ATP6V1H: variants seen among roughly 807,000 people sequenced by gnomAD.
The protein encoded by ATP6V1H is V-type proton ATPase subunit H.
Under a neutral mutation model 71.7 loss-of-function variants are expected in ATP6V1H, and 39 were observed. The observed-to-expected ratio is 0.54, with a 90% CI of 0.42 to 0.71. The LOEUF (loss-of-function observed/expected upper bound fraction) is 0.71, where lower values mean the gene tolerates loss of function less well. Among genes scored for constraint, ATP6V1H ranks in the 30% least tolerant of loss-of-function variants. The pLI is 0.00. For missense variants in ATP6V1H, 509 were observed against 594.9 expected, an observed-to-expected ratio of 0.86 and a Z score of 1.50; for synonymous variants, 192 against 199.3, an observed-to-expected ratio of 0.96 and a Z score of 0.31.
At chr8:53,832,854 G>T in intron 3 of ATP6V1H, 130 bp downstream of exon 3, 1 of 516,838 alleles carries the variant, frequency 1.9e-6, no homozygotes, top group East Asian at 3.2e-5. Flanking sequence ...AAAGGATGAA[G>T]GTAAACATGC....
In ATP6V1H at chr8:53,754,652, T is replaced by C. The variant is rs115082423; in HGVS notation, c.1277+1903A>G. Among the ~76,000 whole-genome samples, 459 of 152,264 alleles carry C rather than the reference T, an allele frequency of 3.0e-3. 3 individuals carry two copies. Among genetic ancestry groups the C allele is most frequent in the African/African-American group, 0.01 (436 of 41,554 alleles). ...ATGACCACACCCCTAAAGCGCAACT[T>C]ATTGTCTCTTTGAGAAGAAGATGAG... On this transcript the variant is annotated intron_variant, in intron 12 of 13. Coordinates refer to ENST00000359530, the MANE Select transcript of ATP6V1H (RefSeq NM_015941.4).
chr8:53,733,729 T>C lies in ATP6V1H; in HGVS notation c.1391+9848A>G, dbSNP rs370580331. ...TTATGGATCCCAAACTTGGCAGTAC[T>C]GGCCAAACCTCTGTACCAAGTCACA... is the stretch of plus-strand genomic sequence containing the variant. On this transcript the variant is annotated intron_variant, in intron 13 of 13. Coordinates refer to ENST00000359530, the MANE Select transcript of ATP6V1H (RefSeq NM_015941.4). 3.8e-4 allele frequency among the ~76,000 whole-genome samples: 58 copies of C among 152,266 alleles called. No homozygotes were observed. The South Asian group carries it at 8.7e-3, about 23-fold the overall frequency.
intron 8 of ATP6V1H, among the ~76,000 whole-genome samples, chr8:53,797,760 G>A (rs1809788278): frequency 6.6e-6 from 1 of 151,850 alleles, no homozygotes; most frequent in South Asian, 2.1e-4. Flanking sequence ...AGCATTTTGG[G>A]AGGCCAGGGT....
At chr8:53,766,743 G>A (rs147719942) in intron 11 of ATP6V1H, among the ~76,000 whole-genome samples, 1,688 of 152,248 alleles carry the variant, frequency 0.011, 51 homozygotes, top group East Asian at 0.1. Context: ...CTCCCATAGC[G>A]TTCCCAGGCT....
At chr8:53,828,845 A>G (rs1810905102) in intron 4 of ATP6V1H, among the ~76,000 whole-genome samples, 1 of 152,132 alleles carries the variant, frequency 6.6e-6, no homozygotes, top group African/African-American at 2.4e-5. Flanking sequence ...TGGAAGGCCG[A>G]TCTCATAAGA....
intron 11 of ATP6V1H, among the ~76,000 whole-genome samples, chr8:53,769,194 T>G (rs1299135706): frequency 6.6e-6 from 1 of 152,026 alleles, no homozygotes; most frequent in African/African-American, 2.4e-5. Context: ...TGACCTTGAG[T>G]AGGCAAAAAC....
intron 9 of ATP6V1H, among the ~76,000 whole-genome samples, chr8:53,793,403 C>T (rs979221145): frequency 2.6e-5 from 4 of 152,128 alleles, no homozygotes; most frequent in Admixed American, 6.5e-5. Flanking sequence ...TTTTGGGAGG[C>T]TGAGGGAGGA....
At chr8:53,830,857 T>A (rs1810982722) in intron 3 of ATP6V1H, among the ~76,000 whole-genome samples, 1 of 152,212 alleles carries the variant, frequency 6.6e-6, no homozygotes, top group Non-Finnish European at 1.5e-5. Context: ...AGTGTGTATG[T>A]GCTGAAAAAA....
chr8:53,818,664 C>T (rs1810533456), intron 4 of ATP6V1H, among the ~76,000 whole-genome samples: 1 of 152,180 alleles, frequency 6.6e-6, no homozygotes, highest in Non-Finnish European at 1.5e-5. Flanking sequence ...CGGTCAGGTA[C>T]ACTTAGCAAC....
chr8:53,728,705 C>A (rs1454336910), intron 13 of ATP6V1H, among the ~76,000 whole-genome samples: 1 of 152,226 alleles, frequency 6.6e-6, no homozygotes, highest in African/African-American at 2.4e-5. Flanking sequence ...CAGCAAAGCA[C>A]AAAGCCCTGC....
At chr8:53,814,819 T>C in intron 5 of ATP6V1H, 53 bp from the exon 6 acceptor site, 6 of 1,214,014 alleles carry the variant, frequency 4.9e-6, no homozygotes, top group Non-Finnish European at 7.1e-6. Context: ...AAAAATCACA[T>C]CATATACCTT....
At chr8:53,743,488 C>A in intron 13 of ATP6V1H, 89 bp downstream of exon 13, 2 of 867,990 alleles carry the variant, frequency 2.3e-6, no homozygotes, top group Non-Finnish European at 3.7e-6. Context: ...TAAAAATGAT[C>A]ATTCAAAGCA....
At chr8:53,811,243 T>A in intron 6 of ATP6V1H, 26 bp from the exon 7 acceptor site, 1 of 1,604,782 alleles carries the variant, frequency 6.2e-7, no homozygotes, top group Non-Finnish European at 8.5e-7. Context: ...TAACTCATTA[T>A]TTAGTTTTGT....
At position 53,743,742 on chromosome 8, in the gene ATP6V1H, A is replaced by G. The variant is rs538886210; in HGVS notation, c.1278-52T>C. Reference sequence around the variant, plus strand: ...AAGATGCAATTACTCTCAAATTCACAGTTTGTAAGCAGGCAGCTCAAATAC... The same window carrying G: ...AAGATGCAATTACTCTCAAATTCACGGTTTGTAAGCAGGCAGCTCAAATAC... On this transcript the variant is annotated intron_variant, in intron 12 of 13. Coordinates refer to ENST00000359530, the MANE Select transcript of ATP6V1H (RefSeq NM_015941.4). 11 of 1,339,976 alleles carry G rather than the reference A, an allele frequency of 8.2e-6. No homozygotes were observed. The East Asian group carries it at 2.6e-4, about 32-fold the overall frequency. 83.0% of individuals were successfully genotyped at this position (1,339,976 alleles called of 1,614,324 possible). A position where few individuals can be genotyped will look rare whatever the true frequency, so the allele number is the denominator to read the frequency against.
At chr8:53,841,510 C>T (rs1811342297) in intron 2 of ATP6V1H, 68 bp downstream of exon 2, 1 of 1,507,628 alleles carries the variant, frequency 6.6e-7, no homozygotes, top group Admixed American at 1.7e-5. Context: ...CTCATAGAAG[C>T]ATGACCATGA....
rs535946523 is a variant in ATP6V1H at position 53,794,235 on chromosome 8, C to T, written c.870+1412G>A. 5.4e-4 allele frequency among the ~76,000 whole-genome samples: 82 copies of T among 152,110 alleles called. 1 individual carries two copies. The Middle Eastern group carries it at 0.041, about 76-fold the overall frequency. ...AATATGTCATTTTTATTTTTAAATA[C>T]AAAACAAAATTATACATCTATTTAT... On this transcript the variant is annotated intron_variant, in intron 9 of 13. Coordinates refer to ENST00000359530, the MANE Select transcript of ATP6V1H (RefSeq NM_015941.4).
intron 3 of ATP6V1H, among the ~76,000 whole-genome samples, chr8:53,829,809 C>T (rs763847416): frequency 3.3e-5 from 5 of 151,998 alleles, no homozygotes; most frequent in South Asian, 2.1e-4. Flanking sequence ...TCTTGATTAC[C>T]GACGACGGCA....
rs181138590 is a variant in ATP6V1H, at chr8:53,841,067, C to T, written c.113+511G>A. On this transcript the variant is annotated intron_variant, in intron 2 of 13. Transcript: ENST00000359530. ...CTGTGGGGTATGTCTCCCCATTTCA[C>T]ATTTTACTTTATTGAGCCTCAGAGA... 3.1e-3 allele frequency among the ~76,000 whole-genome samples: 475 copies of T among 152,270 alleles called. 3 individuals are homozygous for T. Among genetic ancestry groups the T allele is most frequent in the African/African-American group, 0.011 (459 of 41,554 alleles).
At chr8:53,725,161 C>T (rs1246486755) in intron 13 of ATP6V1H, among the ~76,000 whole-genome samples, 1 of 152,138 alleles carries the variant, frequency 6.6e-6, no homozygotes, top group Non-Finnish European at 1.5e-5. Context: ...GCTCTGCCCT[C>T]ATGATCGGAT....
Sources: gnomAD v4.1 joint callset for allele counts (sites outside exome capture counted in the v4.1 genomes callset) on GRCh38, gnomAD v4.1.1 for gene constraint, MANE v1.5 for transcripts, NCBI Gene and HGNC (gene_info 2026-07-23, HGNC 2026-07-21) for gene names.